The following EXOSC5 variants were observed in gnomAD, a reference collection of about 807,000 sequenced individuals.
EXOSC5 encodes the protein exosome complex component RRP46.
Under a neutral mutation model 23.7 loss-of-function variants are expected in EXOSC5, and 15 were observed. The observed-to-expected ratio is 0.63, with a 90% CI of 0.42 to 0.97. The LOEUF (loss-of-function observed/expected upper bound fraction) is 0.97. EXOSC5 is among the 50% of genes least tolerant of loss of function. The pLI, the probability that EXOSC5 is intolerant of heterozygous loss-of-function variation, is 0.00. For synonymous variants in EXOSC5, 143 were observed against 140.9 expected, an observed-to-expected ratio of 1.02 and a Z score of -0.11; for missense variants, 305 against 316.3, an observed-to-expected ratio of 0.96 and a Z score of 0.27.
chr19:41,392,548 C>T (rs966037473), intron 2 of EXOSC5, among the ~76,000 whole-genome samples: 4 of 151,606 alleles, frequency 2.6e-5, no homozygotes, highest in Non-Finnish European at 5.9e-5. Context: ...CGTGCCACTG[C>T]ACTCCAGCCG....
intron 5 of EXOSC5, among the ~76,000 whole-genome samples, chr19:41,387,224 C>T (rs1263460228): frequency 6.6e-6 from 1 of 152,168 alleles, no homozygotes; most frequent in South Asian, 2.1e-4. Context: ...AGCCTGAGAC[C>T]TGGAATTCCC....
In EXOSC5 at chr19:41,386,600, G is replaced by A. The variant is rs144175057; in HGVS notation, c.*33C>T. On this transcript the variant is annotated 3_prime_UTR_variant, in exon 6 of 6. Coordinates refer to ENST00000221233, the MANE Select transcript of EXOSC5 (RefSeq NM_020158.4). Reference sequence around the variant, plus strand: ...AGGCTGTAGGGGGTGAGTGGGTGGAGGCAATGGGAGCGGCCCCTTGCCCCA... The same window carrying A: ...AGGCTGTAGGGGGTGAGTGGGTGGAAGCAATGGGAGCGGCCCCTTGCCCCA... The A allele has an allele frequency of 1.3e-6, 2 of 1,552,160 alleles. No individual in the cohort carries two copies. Among genetic ancestry groups the A allele is most frequent in the East Asian group, 2.4e-5 (1 of 41,588 alleles).
chr19:41,390,164 C>A (rs2039013435), intron 3 of EXOSC5, among the ~76,000 whole-genome samples: 1 of 152,126 alleles, frequency 6.6e-6, no homozygotes. Context: ...AAACTCCTGA[C>A]CTCAGGTGAT....
chr19:41,396,189 G>A (rs117300044), intron 1 of EXOSC5, among the ~76,000 whole-genome samples: 3,295 of 152,010 alleles, frequency 0.022, 59 homozygotes, highest in Middle Eastern at 0.054. Flanking sequence ...ACCAACCTGG[G>A]TGACATCGTG....
At chr19:41,387,699 C>G in intron 4 of EXOSC5, 96 bp from the exon 5 acceptor site, 1 of 778,996 alleles carries the variant, frequency 1.3e-6, no homozygotes, top group Non-Finnish European at 1.9e-6. Context: ...GGCTCATGAC[C>G]ATAATCTCAC....
intron 4 of EXOSC5, among the ~76,000 whole-genome samples, chr19:41,388,932 G>C (rs2039003395): frequency 6.6e-6 from 1 of 152,148 alleles, no homozygotes; most frequent in Non-Finnish European, 1.5e-5. Flanking sequence ...CATCCTGATG[G>C]TGTTTAAAGT....
rs200307444 is a variant in EXOSC5, at chr19:41,391,898, C to T, written c.327G>A (p.Thr109=). 46 of 1,566,362 alleles carry T rather than the reference C, an allele frequency of 2.9e-5. 1 individual carries two copies. In the South Asian group the frequency reaches 3.7e-4, roughly 13 times the overall value. Reference sequence around the variant, plus strand: ...CGGTGATGGAGGTGCGGGGGTGCAACGTGCCCAGCACCACCGCCTCGCACG... The same window carrying T: ...CGGTGATGGAGGTGCGGGGGTGCAATGTGCCCAGCACCACCGCCTCGCACG... ...RNTCEAVVLG[T]LHPRTSITVV... Residue 109 remains threonine (T), a synonymous_variant, in exon 3 of 6, where the codon ACG becomes ACA. Transcript: ENST00000221233.
rs149801911 is a variant in EXOSC5 at position 41,395,842 on chromosome 19, G to A, written c.148+1339C>T. Among the ~76,000 whole-genome samples the A allele has an allele frequency of 4.2e-4, 64 of 152,282 alleles. 1 individual carries two copies. Among genetic ancestry groups the A allele is most frequent in the Non-Finnish European group, 1.0e-4 (7 of 68,014 alleles). The stretch of plus-strand genomic sequence containing the variant: ...GAAATACCATCTATATAGCCAGAGA[G>A]TTCCAAATTGCCTATGTCCAGCTTG... On this transcript the variant is annotated intron_variant, in intron 1 of 5. Transcript: ENST00000221233.
chr19:41,387,360 T>G (rs1332409452), intron 5 of EXOSC5, among the ~76,000 whole-genome samples, 154 bp downstream of exon 5: 1 of 152,188 alleles, frequency 6.6e-6, no homozygotes, highest in Admixed American at 6.5e-5. Flanking sequence ...CCGCAAAGGT[T>G]TCTGGGTCCA....
In EXOSC5 at chr19:41,386,412, A is replaced by G; in HGVS notation, c.*221T>C. On this transcript the variant is annotated 3_prime_UTR_variant, in exon 6 of 6. Coordinates refer to ENST00000221233, the MANE Select transcript of EXOSC5 (RefSeq NM_020158.4). Reference sequence around the variant, plus strand: ...ATTTATTGATTCATCCATTCCATAAATGTGAGCTCCTTTGAATGTTATCCT... The same window carrying G: ...ATTTATTGATTCATCCATTCCATAAGTGTGAGCTCCTTTGAATGTTATCCT... The G allele has an allele frequency of 1.9e-6, 1 of 517,762 alleles. No individual in the cohort carries two copies. The highest frequency in any genetic ancestry group is 1.9e-5 in the African/African-American group (1 of 51,978). 32.1% of individuals were successfully genotyped at this position (517,762 alleles called of 1,614,324 possible). A position where few individuals can be genotyped will look rare whatever the true frequency, so the allele number is the denominator to read the frequency against.
At chr19:41,395,223 G>A (rs185823709) in intron 1 of EXOSC5, among the ~76,000 whole-genome samples, 4 of 143,838 alleles carry the variant, frequency 2.8e-5, no homozygotes, top group East Asian at 1.9e-4. Flanking sequence ...GGTTAAGGCC[G>A]TATTTCCTGG....
At chr19:41,395,280 A>T (rs1189578813) in intron 1 of EXOSC5, among the ~76,000 whole-genome samples, 1 of 152,144 alleles carries the variant, frequency 6.6e-6, no homozygotes, top group Non-Finnish European at 1.5e-5. Flanking sequence ...GTTCCAGGAG[A>T]AACTGCCCTG....
Position 41,386,496 on chromosome 19 carries a change from A to G in EXOSC5, c.*137T>C, listed in dbSNP as rs2038984840. On this transcript the variant is annotated 3_prime_UTR_variant, in exon 6 of 6. Coordinates refer to ENST00000221233, the MANE Select transcript of EXOSC5 (RefSeq NM_020158.4). ...CTGTCACAGGCCAAGGCCTCCCCACAGGAGCCCTGTGGTTACAGAGCTGCA... is the reference window on the plus strand; with the variant it reads ...CTGTCACAGGCCAAGGCCTCCCCACGGGAGCCCTGTGGTTACAGAGCTGCA... The G allele has an allele frequency of 3.9e-6, 3 of 775,794 alleles. No homozygotes were observed. The highest frequency in any genetic ancestry group is 6.1e-6 in the Non-Finnish European group (3 of 492,742). 48.1% of individuals were successfully genotyped at this position (775,794 alleles called of 1,614,324 possible).
At chr19:41,386,998 G>T (rs554956861) in intron 5 of EXOSC5, among the ~76,000 whole-genome samples, 11 of 152,328 alleles carry the variant, frequency 7.2e-5, no homozygotes, top group African/African-American at 2.4e-4. Flanking sequence ...CTTGGAGGAG[G>T]CCCCAGCTGT....
Position 41,387,459 on chromosome 19 carries a change from C to T in EXOSC5, c.615+55G>A, listed in dbSNP as rs1006470252. On this transcript the variant is annotated intron_variant, in intron 5 of 5. Coordinates refer to ENST00000221233, the MANE Select transcript of EXOSC5 (RefSeq NM_020158.4). ...ATCCAGGGCAGAGTTGGGACAAGAC[C>T]GTATGTCAGTGGGAAGGAAGGTTCT... 2.4e-5 allele frequency: 34 copies of T among 1,409,680 alleles called. No individual in the cohort carries two copies. In the Middle Eastern group the frequency reaches 5.4e-4, roughly 22 times the overall value. 87.3% of individuals were successfully genotyped at this position (1,409,680 alleles called of 1,614,324 possible). A position where few individuals can be genotyped will look rare whatever the true frequency, so the allele number is the denominator to read the frequency against.
intron 5 of EXOSC5, among the ~76,000 whole-genome samples, 177 bp from the exon 6 acceptor site, chr19:41,386,902 G>A (rs540107408): frequency 1.3e-5 from 2 of 152,192 alleles, no homozygotes; most frequent in Non-Finnish European, 2.9e-5. Context: ...GTTTCTTAGA[G>A]ATCAGGAGAA....
chr19:41,391,909 CCA>C lies in EXOSC5; in HGVS notation c.314_315del (p.Val105GlyfsTer57). On this transcript the variant is annotated frameshift_variant, in exon 3 of 6. Coordinates refer to ENST00000221233, the MANE Select transcript of EXOSC5 (RefSeq NM_020158.4). LOFTEE classifies it high-confidence loss of function. ...GTGCGGGGGTGCAACGTGCCCAGCA[CCA>C]CCGCCTCGCACGTGTTCCTGATCAG... is the stretch of plus-strand genomic sequence containing the variant. ...ERLIRNTCEA[V>X]VLGTLHPRTS... 1 of 1,574,372 alleles carries C rather than the reference CCA, an allele frequency of 6.4e-7. No homozygotes were observed.
At position 41,391,957 on chromosome 19, in the gene EXOSC5, C is replaced by T. The variant is rs2039026268; in HGVS notation, c.268G>A (p.Ala90Thr). ...ATCAGCCGCTCCCGGCTCTTCTCTGCAACACCTGGGGAAATTGAAGAGAGG... is the reference window on the plus strand; with the variant it reads ...ATCAGCCGCTCCCGGCTCTTCTCTGTAACACCTGGGGAAATTGAAGAGAGG... The part of the protein sequence containing the change: ...LRPKIGLPGV[A>T]EKSRERLIRN... The change falls in exon 3 of 6, where the codon GCA (alanine) becomes ACA (threonine). Residue 90 changes from alanine (A) to threonine (T), a missense_variant. Coordinates refer to ENST00000221233, the MANE Select transcript of EXOSC5 (RefSeq NM_020158.4). The T allele has an allele frequency of 1.3e-6, 2 of 1,584,706 alleles. No homozygotes were observed. The highest frequency in any genetic ancestry group is 8.6e-7 in the Non-Finnish European group (1 of 1,168,638).
chr19:41,389,172 C>G (rs2039005064), intron 4 of EXOSC5, among the ~76,000 whole-genome samples: 1 of 152,124 alleles, frequency 6.6e-6, no homozygotes, highest in African/African-American at 2.4e-5. Flanking sequence ...TCTTCAACTC[C>G]CAGCCTCAGG....
Sources: gnomAD v4.1 joint callset for allele counts (sites outside exome capture counted in the v4.1 genomes callset) on GRCh38, gnomAD v4.1.1 for gene constraint, MANE v1.5 for transcripts, NCBI Gene and HGNC (gene_info 2026-07-23, HGNC 2026-07-21) for gene names.